Variants in FSHR observed in about 807,000 individuals in gnomAD.
The protein encoded by FSHR is follicle-stimulating hormone receptor.
In FSHR, 46 loss-of-function variants were observed where a neutral mutation model predicts 52.1. The observed-to-expected ratio is 0.88, with a 90% CI of 0.70 to 1.13. The LOEUF (loss-of-function observed/expected upper bound fraction) is 1.13, where lower values mean the gene tolerates loss of function less well. Among genes scored for constraint, FSHR ranks in the 50% most tolerant of loss-of-function variants. FSHR has a pLI of 0.00. For synonymous variants in FSHR, 399 were observed against 309.6 expected, an observed-to-expected ratio of 1.29 and a Z score of -3.03; for missense variants, 964 against 834.6, an observed-to-expected ratio of 1.16 and a Z score of -1.91.
At chr2:48,996,983 A>G (rs374034554) in intron 4 of FSHR, among the ~76,000 whole-genome samples, 17 of 152,258 alleles carry the variant, frequency 1.1e-4, no homozygotes, top group African/African-American at 3.8e-4. Flanking sequence ...TCTATATACA[A>G]CATGATAAAA....
intron 2 of FSHR, among the ~76,000 whole-genome samples, chr2:49,044,382 G>A (rs1259509851): frequency 6.6e-6 from 1 of 152,128 alleles, no homozygotes; most frequent in Non-Finnish European, 1.5e-5. Flanking sequence ...AAAATTGGAG[G>A]CATAACCTTG....
intron 1 of FSHR, among the ~76,000 whole-genome samples, chr2:49,102,026 G>A (rs1024289394): frequency 6.6e-6 from 1 of 152,036 alleles, no homozygotes; most frequent in African/African-American, 2.4e-5. Context: ...ACCACATTGG[G>A]GATTAAATTT....
intron 2 of FSHR, among the ~76,000 whole-genome samples, chr2:49,064,896 G>A (rs769916520): frequency 5.9e-5 from 9 of 152,126 alleles, no homozygotes; most frequent in Non-Finnish European, 1.2e-4. Context: ...CATTTCATCT[G>A]GTCCCTGAAT....
chr2:49,125,691 G>C (rs575932696), intron 1 of FSHR, among the ~76,000 whole-genome samples: 1 of 152,278 alleles, frequency 6.6e-6, no homozygotes, highest in Admixed American at 6.5e-5. Context: ...ATTACCTGAG[G>C]AATCTAAAAT....
chr2:49,042,234 A>G (rs761031132), intron 2 of FSHR, among the ~76,000 whole-genome samples: 3 of 152,000 alleles, frequency 2.0e-5, no homozygotes, highest in Non-Finnish European at 2.9e-5. Flanking sequence ...TCACCTTCCA[A>G]TTTTTTTCCC....
intron 8 of FSHR, among the ~76,000 whole-genome samples, chr2:48,972,943 T>A (rs1208879365): frequency 6.6e-6 from 1 of 152,258 alleles, no homozygotes; most frequent in African/African-American, 2.4e-5. Flanking sequence ...TTATCTCATA[T>A]ACTCTGTGGT....
intron 2 of FSHR, among the ~76,000 whole-genome samples, chr2:49,028,304 C>T (rs547788261): frequency 6.6e-6 from 1 of 152,292 alleles, no homozygotes; most frequent in South Asian, 2.1e-4. Flanking sequence ...TGGGTAATCT[C>T]ACTAATGGCT....
At chr2:49,042,148 G>A (rs1475954697) in intron 2 of FSHR, among the ~76,000 whole-genome samples, 1 of 152,124 alleles carries the variant, frequency 6.6e-6, no homozygotes, top group African/African-American at 2.4e-5. Flanking sequence ...AATATTTCTA[G>A]GGGCATAGAC....
intron 2 of FSHR, among the ~76,000 whole-genome samples, chr2:49,063,553 T>A (rs572957888): frequency 6.6e-6 from 1 of 152,138 alleles, no homozygotes; most frequent in African/African-American, 2.4e-5. Context: ...TTATGTTAAG[T>A]GAAATAAGTT....
At chr2:49,146,527 G>T (rs747813109) in intron 1 of FSHR, among the ~76,000 whole-genome samples, 1 of 151,952 alleles carries the variant, frequency 6.6e-6, no homozygotes, top group South Asian at 2.1e-4. Context: ...TTTGTGTGGG[G>T]TTTTTCCATG....
intron 1 of FSHR, among the ~76,000 whole-genome samples, chr2:49,120,264 C>T (rs1284798312): frequency 6.6e-6 from 1 of 152,070 alleles, no homozygotes; most frequent in Non-Finnish European, 1.5e-5. Context: ...GAGTGAGACT[C>T]CATCTCAGAC....
intron 3 of FSHR, among the ~76,000 whole-genome samples, chr2:49,019,843 C>T (rs574062586): frequency 3.3e-5 from 5 of 152,268 alleles, no homozygotes; most frequent in African/African-American, 1.2e-4. Flanking sequence ...GGGCAAAGTT[C>T]TTGGGTCTAT....
intron 3 of FSHR, 47 bp from the exon 4 acceptor site, chr2:49,017,610 G>A (rs1667534660): frequency 1.5e-6 from 2 of 1,377,468 alleles, no homozygotes; most frequent in Non-Finnish European, 2.1e-6. Context: ...GGTAAGGAAT[G>A]CTGTAGTATT....
intron 2 of FSHR, among the ~76,000 whole-genome samples, chr2:49,062,922 A>C (rs1669366878): frequency 6.6e-6 from 1 of 152,080 alleles, no homozygotes; most frequent in African/African-American, 2.4e-5. Context: ...CAAAACCAAA[A>C]ACATAAACAA....
intron 1 of FSHR, among the ~76,000 whole-genome samples, chr2:49,139,039 C>T (rs1047744967): frequency 1.3e-5 from 2 of 152,112 alleles, no homozygotes; most frequent in Non-Finnish European, 2.9e-5. Context: ...CATTTAACTA[C>T]CCACATGATC....
intron 2 of FSHR, among the ~76,000 whole-genome samples, chr2:49,058,670 A>G (rs1311626997): frequency 6.8e-6 from 1 of 146,456 alleles, no homozygotes; most frequent in Non-Finnish European, 1.5e-5. Context: ...AAACTACCTG[A>G]AAAAAAAATA....
intron 2 of FSHR, among the ~76,000 whole-genome samples, chr2:49,061,736 C>A (rs1669307655): frequency 1.7e-5 from 1 of 58,418 alleles, no homozygotes. Flanking sequence ...AAATATATAG[C>A]TATTTATATA....
intron 2 of FSHR, among the ~76,000 whole-genome samples, chr2:49,063,062 G>A (rs546062526): frequency 1.5e-4 from 23 of 152,196 alleles, no homozygotes; most frequent in Non-Finnish European, 2.9e-4. Flanking sequence ...GCTTCCATAT[G>A]ATCCAGCAAT....
intron 2 of FSHR, among the ~76,000 whole-genome samples, chr2:49,021,928 A>C (rs13025970): frequency 7.8e-6 from 1 of 128,790 alleles, no homozygotes; most frequent in African/African-American, 3.0e-5. Context: ...GAGAATGAAC[A>C]CCATGCTGGC....
Sources: gnomAD v4.1 joint callset for allele counts (sites outside exome capture counted in the v4.1 genomes callset) on GRCh38, gnomAD v4.1.1 for gene constraint, MANE v1.5 for transcripts, NCBI Gene and HGNC (gene_info 2026-07-23, HGNC 2026-07-21) for gene names.